FILIP1L: variants seen among roughly 807,000 people sequenced by gnomAD.
FILIP1L encodes the protein filamin A interacting protein 1 like.
FILIP1L carries 55 observed loss-of-function variants against 96.6 expected under a neutral mutation model. The ratio of observed to expected loss-of-function variants is 0.57; its 90% CI spans 0.46 to 0.71. FILIP1L has a LOEUF of 0.71. FILIP1L is among the 30% of genes least tolerant of loss of function. The pLI is 0.00. For missense variants in FILIP1L, 1,304 were observed against 1,321.2 expected (o/e 0.99, Z 0.20); for synonymous variants, 467 against 473.9 (o/e 0.99, Z 0.19).
intron 4 of FILIP1L, among the ~76,000 whole-genome samples, chr3:99,910,129 T>G (rs1706746462): frequency 7.3e-6 from 1 of 136,698 alleles, no homozygotes; most frequent in Non-Finnish European, 1.7e-5. Flanking sequence ...AAATTCTTAA[T>G]AGAGTTGGTT....
chr3:99,901,137 G>T (rs1370736760), intron 4 of FILIP1L, among the ~76,000 whole-genome samples: 1 of 152,180 alleles, frequency 6.6e-6, no homozygotes, highest in Non-Finnish European at 1.5e-5. Flanking sequence ...AATCAAGTAA[G>T]CTTTAGTATT....
At chr3:99,886,378 C>T (rs987847468) in intron 4 of FILIP1L, among the ~76,000 whole-genome samples, 2 of 149,668 alleles carry the variant, frequency 1.3e-5, no homozygotes. Flanking sequence ...TTGTACCATA[C>T]ATAAAATACA....
chr3:99,930,640 A>G (rs1166398267), intron 2 of FILIP1L, 129 bp downstream of exon 2: 1 of 945,408 alleles, frequency 1.1e-6, no homozygotes, highest in Non-Finnish European at 1.6e-6. Context: ...TTGTATATAT[A>G]CTTATGCTTT....
chr3:99,924,337 T>G lies in FILIP1L; in HGVS notation c.498A>C (p.Lys166Asn). 1 of 1,614,118 alleles carries G rather than the reference T, an allele frequency of 6.2e-7. No individual in the cohort carries two copies. The highest frequency in any genetic ancestry group is 8.5e-7 in the Non-Finnish European group (1 of 1,179,986). Residue 166 changes from lysine to asparagine, a missense_variant, in exon 4 of 6, where the codon AAA becomes AAC. Physicochemically the swap from Lys to Asn is moderately conservative, Grantham distance 94 (BLOSUM62 0). Coordinates refer to ENST00000477258, the MANE Select transcript of FILIP1L (RefSeq NM_001387850.1). ...RILGQLLVAE[K>N]SRRQTILELE... is the part of the protein sequence containing the mutation. ...ACTCCAATATGGTTTGCCTACGGGA[T>G]TTTTCTGCCACTAAAAGCTGTCCCA... is the stretch of plus-strand genomic sequence containing the variant.
intron 1 of FILIP1L, among the ~76,000 whole-genome samples, chr3:100,109,501 G>A (rs1010629779): frequency 6.6e-6 from 1 of 152,138 alleles, no homozygotes; most frequent in Non-Finnish European, 1.5e-5. Context: ...AGCGTCAGCT[G>A]TTGGCAACCA....
chr3:99,841,649 A>C (rs1002218069), intron 5 of FILIP1L, among the ~76,000 whole-genome samples: 10 of 152,238 alleles, frequency 6.6e-5, no homozygotes, highest in African/African-American at 2.4e-4. Context: ...AACAGGCGCA[A>C]TCCCATCATA....
chr3:99,944,319 G>A (rs1367152375), intron 1 of FILIP1L, among the ~76,000 whole-genome samples: 1 of 152,164 alleles, frequency 6.6e-6, no homozygotes, highest in Non-Finnish European at 1.5e-5. Context: ...CCAGTTTGGA[G>A]GGACGTAACA....
chr3:99,925,925 A>C (rs1479036452), intron 3 of FILIP1L: 101 of 978,762 alleles, frequency 1.0e-4, no homozygotes, highest in Non-Finnish European at 1.2e-4. Context: ...CACCAGAAAA[A>C]CATGTTGGCA....
intron 1 of FILIP1L, among the ~76,000 whole-genome samples, chr3:99,931,426 A>T (rs1391055327): frequency 1.3e-5 from 2 of 152,260 alleles, no homozygotes; most frequent in South Asian, 2.1e-4. Flanking sequence ...AATTCTTCTA[A>T]CTTTCTTCAG....
rs761510214 is a variant in FILIP1L, at chr3:99,910,048, T to TG, written c.605+14181dup. ...ATTACTTAACAGTGAAGGGCTTCAG[T>TG]GTGGGGTCAGCTCACCCTCATTGCA... On this transcript the variant is annotated intron_variant, in intron 4 of 5. Transcript: ENST00000477258. Among the ~76,000 whole-genome samples, 6 of 109,478 alleles carry TG rather than the reference T, an allele frequency of 5.5e-5. 2 individuals carry two copies. Among genetic ancestry groups the TG allele is most frequent in the Non-Finnish European group, 1.3e-4 (6 of 45,268 alleles). 71.8% of individuals were successfully genotyped at this position (109,478 alleles called of 152,430 possible).
intron 1 of FILIP1L, among the ~76,000 whole-genome samples, chr3:100,048,892 T>C (rs947760452): frequency 5.4e-4 from 83 of 152,360 alleles, no homozygotes; most frequent in African/African-American, 1.9e-3. Flanking sequence ...CTAGACTGAT[T>C]GCTTAAATAT....
intron 4 of FILIP1L, among the ~76,000 whole-genome samples, chr3:99,893,258 C>G (rs1176177958): frequency 6.6e-6 from 1 of 151,520 alleles, no homozygotes; most frequent in Non-Finnish European, 1.5e-5. Flanking sequence ...CTCCGCCTCC[C>G]GGGTTCACGC....
chr3:99,965,652 C>T (rs777389998), intron 1 of FILIP1L, among the ~76,000 whole-genome samples: 8 of 152,118 alleles, frequency 5.3e-5, no homozygotes, highest in Non-Finnish European at 1.2e-4. Flanking sequence ...ATGGCCAACT[C>T]GGAGATTCAT....
At chr3:99,948,198 A>G (rs996661939) in intron 1 of FILIP1L, among the ~76,000 whole-genome samples, 2 of 152,222 alleles carry the variant, frequency 1.3e-5, no homozygotes, top group African/African-American at 4.8e-5. Context: ...TGCATGGTAT[A>G]GGACATGGAG....
At chr3:99,873,426 T>C (rs1398510423) in intron 4 of FILIP1L, among the ~76,000 whole-genome samples, 1 of 152,230 alleles carries the variant, frequency 6.6e-6, no homozygotes, top group Non-Finnish European at 1.5e-5. Context: ...AATATTGCCT[T>C]ACATCCACAA....
chr3:99,956,333 G>T (rs116671348), intron 1 of FILIP1L, among the ~76,000 whole-genome samples: 1 of 152,016 alleles, frequency 6.6e-6, no homozygotes, highest in African/African-American at 2.4e-5. Context: ...CTTGGTTTCC[G>T]ATTCTGTCCC....
Position 99,850,430 on chromosome 3 carries a change from CTAGTT to C in FILIP1L, c.1241_1245del (p.Lys414ArgfsTer3), listed in dbSNP as rs747972266. The C allele has an allele frequency of 3.1e-6, 5 of 1,613,908 alleles. No homozygotes were observed. The South Asian group carries it at 4.4e-5, about 14-fold the overall frequency. ...ATTCTTTTACTGAGTTTTTCAACCT[CTAGTT>C]TAAAGTCTTTACTCTGTAACGTCTC... is the stretch of plus-strand genomic sequence containing the variant. On this transcript the variant is annotated frameshift_variant, in exon 5 of 6. Transcript: ENST00000477258. LOFTEE classifies it high-confidence loss of function.
At chr3:99,990,908 A>C (rs1709491398) in intron 1 of FILIP1L, among the ~76,000 whole-genome samples, 1 of 152,182 alleles carries the variant, frequency 6.6e-6, no homozygotes, top group Admixed American at 6.5e-5. Flanking sequence ...CAAATGAAAA[A>C]AGCATAAAGT....
chr3:99,969,118 G>A (rs1708740548), intron 1 of FILIP1L, among the ~76,000 whole-genome samples: 1 of 152,160 alleles, frequency 6.6e-6, no homozygotes, highest in Non-Finnish European at 1.5e-5. Flanking sequence ...GGCCATGTGT[G>A]GAGGGCAGGG....
Sources: gnomAD v4.1 joint callset for allele counts (sites outside exome capture counted in the v4.1 genomes callset) on GRCh38, gnomAD v4.1.1 for gene constraint, MANE v1.5 for transcripts, NCBI Gene and HGNC (gene_info 2026-07-23, HGNC 2026-07-21) for gene names.